Variants in ATRNL1 observed in about 807,000 individuals in gnomAD.
The protein encoded by ATRNL1 is attractin like 1.
Under a neutral mutation model 182.7 loss-of-function variants are expected in ATRNL1, and 95 were observed. The observed-to-expected ratio is 0.52, with a 90% confidence interval of 0.44 to 0.62. The LOEUF (loss-of-function observed/expected upper bound fraction) is 0.62, where lower values mean the gene tolerates loss of function less well. ATRNL1 is among the 20% of genes least tolerant of loss of function. ATRNL1 has a pLI of 0.00. For missense variants in ATRNL1, 1,471 were observed against 1,679.5 expected (o/e 0.88, Z 2.17); for synonymous variants, 576 against 568.3 (o/e 1.01, Z -0.19).
intron 27 of ATRNL1, among the ~76,000 whole-genome samples, chr10:115,808,639 C>A (rs1324690786): frequency 6.6e-6 from 1 of 152,100 alleles, no homozygotes; most frequent in African/African-American, 2.4e-5. Flanking sequence ...CTATGCATTC[C>A]CACTAGCAAT....
rs1359354038 is a variant in ATRNL1 at position 115,093,402 on chromosome 10, G to C, written c.-349G>C. On this transcript the variant is annotated 5_prime_UTR_variant, in exon 1 of 29. Transcript: ENST00000355044. This position sits in a 1 kb window ranked among gnomAD's most constrained non-coding sequence, Gnocchi z 6.1. ...CCGCGGGCGAGGCGGGGCCGCGCGC[G>C]GGGTCCCCTCCTCCTGCCGGTCAGG... 14 of 219,352 alleles carry C rather than the reference G, an allele frequency of 6.4e-5. No homozygotes were observed. The highest frequency in any genetic ancestry group is 1.1e-4 in the Non-Finnish European group (12 of 112,308). The allele number at this position is 219,352 out of a possible 1,614,324, so 13.6% of individuals were successfully genotyped here.
chr10:115,809,978 T>C (rs1279806208), intron 27 of ATRNL1, among the ~76,000 whole-genome samples: 1 of 151,994 alleles, frequency 6.6e-6, no homozygotes, highest in Non-Finnish European at 1.5e-5. Context: ...ATTCTTAGTT[T>C]GCTGAGAAAT....
chr10:115,549,857 T>G (rs1189240495), intron 26 of ATRNL1, among the ~76,000 whole-genome samples: 1 of 151,992 alleles, frequency 6.6e-6, no homozygotes, highest in African/African-American at 2.4e-5. Flanking sequence ...AAAGACATAC[T>G]TTATTTTTCA....
intron 9 of ATRNL1, among the ~76,000 whole-genome samples, chr10:115,230,336 C>T (rs1333050580): frequency 6.6e-6 from 1 of 152,122 alleles, no homozygotes; most frequent in African/African-American, 2.4e-5. Context: ...GAGAAGACCT[C>T]ATAAGACATC....
chr10:115,515,316 T>G (rs1850581540), intron 24 of ATRNL1, among the ~76,000 whole-genome samples: 1 of 113,712 alleles, frequency 8.8e-6, no homozygotes, highest in African/African-American at 2.7e-5. Context: ...AGAATAGTTG[T>G]TCTTTTTTTT....
chr10:115,141,137 T>G (rs1554877898), intron 5 of ATRNL1, among the ~76,000 whole-genome samples: 1 of 152,150 alleles, frequency 6.6e-6, no homozygotes, highest in African/African-American at 2.4e-5. Context: ...TTGATCATCT[T>G]TGGGTTTCCA....
chr10:115,129,598 A>G (rs778580922), intron 5 of ATRNL1, 63 bp downstream of exon 5: 5 of 1,368,642 alleles, frequency 3.7e-6, no homozygotes, highest in Non-Finnish European at 4.1e-6. Context: ...GATTAATACA[A>G]ATTCCACACG....
intron 24 of ATRNL1, among the ~76,000 whole-genome samples, chr10:115,491,478 G>A (rs113440313): frequency 3.9e-5 from 6 of 151,968 alleles, no homozygotes; most frequent in South Asian, 2.1e-4. Flanking sequence ...CAGTCTGGCC[G>A]CAGTAGCCTT....
At chr10:115,420,854 GA>G (rs1238574133) in intron 20 of ATRNL1, among the ~76,000 whole-genome samples, 1 of 152,164 alleles carries the variant, frequency 6.6e-6, no homozygotes, top group African/African-American at 2.4e-5. Context: ...AATCAAAGAT[GA>G]AAAAGGAGAC....
intron 21 of ATRNL1, among the ~76,000 whole-genome samples, chr10:115,437,734 A>G (rs782310045): frequency 1.3e-5 from 2 of 152,068 alleles, no homozygotes; most frequent in African/African-American, 4.8e-5. Flanking sequence ...AAACATACAT[A>G]TGGGAATCTG....
At chr10:115,898,463 T>C (rs1447483599) in intron 28 of ATRNL1, among the ~76,000 whole-genome samples, 2 of 152,208 alleles carry the variant, frequency 1.3e-5, no homozygotes, top group African/African-American at 4.8e-5. Flanking sequence ...GACAGGATTG[T>C]CTACCCCATG....
At chr10:115,638,525 T>C (rs140347896) in intron 26 of ATRNL1, among the ~76,000 whole-genome samples, 1 of 152,162 alleles carries the variant, frequency 6.6e-6, no homozygotes, top group South Asian at 2.1e-4. Context: ...AAAAAGTAGT[T>C]AGTGGTTTCA....
chr10:115,107,315 A>T lies in ATRNL1; in HGVS notation c.294-12870A>T, dbSNP rs537927299. The stretch of plus-strand genomic sequence containing the variant: ...ATGGTGAGACAGGTATAGGATCTAC[A>T]TTCCCGTTCCAAAAGAAAAAAAGGG... On this transcript the variant is annotated intron_variant, in intron 1 of 28. Coordinates refer to ENST00000355044, the MANE Select transcript of ATRNL1 (RefSeq NM_207303.4). Among the ~76,000 whole-genome samples, 111 of 152,366 alleles carry T rather than the reference A, an allele frequency of 7.3e-4. 2 individuals carry two copies. The South Asian group carries it at 0.022, about 30-fold the overall frequency.
intron 14 of ATRNL1, among the ~76,000 whole-genome samples, chr10:115,282,410 C>T (rs1167521909): frequency 2.6e-5 from 4 of 150,962 alleles, no homozygotes; most frequent in African/African-American, 9.7e-5. Context: ...CCTCCCCCCT[C>T]TCCCCACCCC....
chr10:115,186,163 A>G (rs570878295), intron 8 of ATRNL1, among the ~76,000 whole-genome samples: 1 of 152,232 alleles, frequency 6.6e-6, no homozygotes, highest in East Asian at 1.9e-4. Context: ...AAAAATGGGC[A>G]AAGGATCTAA....
At chr10:115,823,708 T>C (rs1950357378) in intron 27 of ATRNL1, among the ~76,000 whole-genome samples, 1 of 152,094 alleles carries the variant, frequency 6.6e-6, no homozygotes. Flanking sequence ...TACCTAGGCA[T>C]ACAACTTACA....
chr10:115,245,839 G>C (rs1359695492), intron 10 of ATRNL1, among the ~76,000 whole-genome samples: 1 of 151,972 alleles, frequency 6.6e-6, no homozygotes, highest in African/African-American at 2.4e-5. Context: ...TGATGAAAGT[G>C]GTACCACTTA....
intron 8 of ATRNL1, among the ~76,000 whole-genome samples, chr10:115,212,129 A>G (rs1326514318): frequency 2.0e-5 from 3 of 151,848 alleles, no homozygotes; most frequent in Non-Finnish European, 2.9e-5. Context: ...ATCTTGTCAC[A>G]CAGGTGTACT....
At chr10:115,734,352 T>A (rs1435058614) in intron 27 of ATRNL1, among the ~76,000 whole-genome samples, 1 of 152,188 alleles carries the variant, frequency 6.6e-6, no homozygotes, top group East Asian at 1.9e-4. Flanking sequence ...TTTTTGCAAC[T>A]GTTAATTTGA....
Sources: gnomAD v4.1 joint callset for allele counts (sites outside exome capture counted in the v4.1 genomes callset) on GRCh38, gnomAD v4.1.1 for gene constraint, Gnocchi (gnomAD v3.1) non-coding constraint, MANE v1.5 for transcripts, NCBI Gene and HGNC (gene_info 2026-07-23, HGNC 2026-07-21) for gene names.